Variants in SLC25A21 observed in about 807,000 individuals in gnomAD.
SLC25A21 encodes the protein mitochondrial 2-oxodicarboxylate carrier.
SLC25A21 carries 47 observed loss-of-function variants against 43.8 expected under a neutral mutation model. The observed-to-expected ratio is 1.07, with a 90% CI of 0.85 to 1.37. The LOEUF (loss-of-function observed/expected upper bound fraction) is 1.37. Among genes scored for constraint, SLC25A21 ranks in the 40% most tolerant of loss-of-function variants. SLC25A21 has a pLI of 0.00. For synonymous variants in SLC25A21, 131 were observed against 121.3 expected (o/e 1.08, Z -0.52); for missense variants, 352 against 350.2 (o/e 1.00, Z -0.04).
At chr14:37,064,419 TC>T (rs767723888) in intron 1 of SLC25A21, among the ~76,000 whole-genome samples, 258 of 152,144 alleles carry the variant, frequency 1.7e-3, no homozygotes, top group Middle Eastern at 6.8e-3. Flanking sequence ...CTCTTGTCTC[TC>T]TCTCTCTCTC....
chr14:36,879,581 C>G (rs1489257569), intron 1 of SLC25A21, among the ~76,000 whole-genome samples: 2 of 152,126 alleles, frequency 1.3e-5, no homozygotes, highest in Non-Finnish European at 2.9e-5. Context: ...TGGGTTATCC[C>G]CTGAACTTTT....
intron 9 of SLC25A21, among the ~76,000 whole-genome samples, chr14:36,682,064 T>C (rs765576638): frequency 6.6e-6 from 1 of 152,218 alleles, no homozygotes; most frequent in African/African-American, 2.4e-5. Flanking sequence ...GTTAGCCACA[T>C]TGAGCTGCTA....
Position 36,734,491 on chromosome 14 carries a change from C to T in SLC25A21, c.270+16G>A, listed in dbSNP as rs114929407. On this transcript the variant is annotated intron_variant, in intron 4 of 9. Transcript: ENST00000331299. Reference sequence around the variant, plus strand: ...GTGCCCTACTTTTGCTTGGTGCGAACGCATGCAATGCTTACCTTCACTGCT... The same window carrying T: ...GTGCCCTACTTTTGCTTGGTGCGAATGCATGCAATGCTTACCTTCACTGCT... 9 of 1,599,814 alleles carry T rather than the reference C, an allele frequency of 5.6e-6. No individual in the cohort carries two copies. Among genetic ancestry groups the T allele is most frequent in the East Asian group, 4.5e-5 (2 of 44,614 alleles).
chr14:36,947,512 G>C (rs1313208052), intron 1 of SLC25A21, among the ~76,000 whole-genome samples: 1 of 152,096 alleles, frequency 6.6e-6, no homozygotes, highest in East Asian at 1.9e-4. Context: ...GCAAAGAAAG[G>C]CTGGGTTTTT....
intron 1 of SLC25A21, among the ~76,000 whole-genome samples, chr14:36,883,937 G>A (rs995715525): frequency 1.3e-5 from 2 of 152,090 alleles, no homozygotes; most frequent in Non-Finnish European, 2.9e-5. Context: ...ATTGAGTCAA[G>A]CTAATGAACA....
chr14:37,074,307 C>A (rs1305675587), intron 1 of SLC25A21, among the ~76,000 whole-genome samples: 1 of 151,912 alleles, frequency 6.6e-6, no homozygotes, highest in South Asian at 2.1e-4. Context: ...TCACAACATA[C>A]AACTTATACC....
intron 1 of SLC25A21, among the ~76,000 whole-genome samples, chr14:36,951,917 A>G (rs1045085874): frequency 5.3e-5 from 8 of 152,190 alleles, no homozygotes; most frequent in African/African-American, 1.9e-4. Flanking sequence ...AGGTACAATG[A>G]AAGCAGAGTA....
In SLC25A21 at chr14:36,679,933, T is replaced by C; in HGVS notation, c.*725A>G. ...TGTGTTAGAAGAGATTTGGAATACC[T>C]TGATTTAAACATGCTTAAACAACAG... is the stretch of plus-strand genomic sequence containing the variant. On this transcript the variant is annotated 3_prime_UTR_variant, in exon 10 of 10. Transcript: ENST00000331299. 3 of 910,416 alleles carry C rather than the reference T, an allele frequency of 3.3e-6. No individual in the cohort carries two copies. The highest frequency in any genetic ancestry group is 3.9e-6 in the Non-Finnish European group (3 of 762,312). The allele number at this position is 910,416 out of a possible 1,614,324, so 56.4% of individuals were successfully genotyped here.
intron 1 of SLC25A21, among the ~76,000 whole-genome samples, chr14:37,113,442 A>G (rs1211056101): frequency 2.6e-5 from 4 of 152,210 alleles, no homozygotes; most frequent in African/African-American, 9.6e-5. Context: ...CCTTGGATAC[A>G]CATCGTGGGA....
chr14:36,803,541 A>T (rs1253393482), intron 3 of SLC25A21, among the ~76,000 whole-genome samples: 1 of 152,194 alleles, frequency 6.6e-6, no homozygotes, highest in South Asian at 2.1e-4. Flanking sequence ...AAACTAATTC[A>T]TTTAACAATA....
chr14:37,158,955 A>G (rs1963894362), intron 1 of SLC25A21, among the ~76,000 whole-genome samples: 1 of 152,182 alleles, frequency 6.6e-6, no homozygotes, highest in African/African-American at 2.4e-5. Context: ...CTAGCCAAGA[A>G]AGAAATCAAG....
intron 1 of SLC25A21, among the ~76,000 whole-genome samples, chr14:37,080,918 G>A (rs1962375106): frequency 6.6e-6 from 1 of 152,084 alleles, no homozygotes; most frequent in African/African-American, 2.4e-5. Context: ...ATTGTCTTTG[G>A]CTAATCCAAA....
chr14:37,040,387 GAA>G (rs1961440076), intron 1 of SLC25A21, among the ~76,000 whole-genome samples: 1 of 70,158 alleles, frequency 1.4e-5, no homozygotes, highest in African/African-American at 1.3e-4. Flanking sequence ...AAGAAAGAAA[GAA>G]AGAAAGAAAG....
At chr14:36,866,816 T>G (rs557171665) in intron 2 of SLC25A21, among the ~76,000 whole-genome samples, 2 of 152,330 alleles carry the variant, frequency 1.3e-5, no homozygotes, top group Admixed American at 6.5e-5. Flanking sequence ...GCAACAGATT[T>G]CAAAGACTTT....
intron 7 of SLC25A21, among the ~76,000 whole-genome samples, chr14:36,687,591 T>C (rs918003347): frequency 2.6e-5 from 4 of 152,224 alleles, no homozygotes; most frequent in Non-Finnish European, 5.9e-5. Context: ...CACCAGCTTC[T>C]GGGCCAGTAG....
chr14:36,801,852 C>T (rs1373362264), intron 3 of SLC25A21, among the ~76,000 whole-genome samples: 1 of 152,140 alleles, frequency 6.6e-6, no homozygotes, highest in East Asian at 1.9e-4. Flanking sequence ...TTAAGGAGAA[C>T]AGTAGTGAAG....
chr14:36,884,069 G>A (rs1890843414), intron 1 of SLC25A21, among the ~76,000 whole-genome samples: 1 of 151,994 alleles, frequency 6.6e-6, no homozygotes, highest in African/African-American at 2.4e-5. Context: ...TGTGCAATAG[G>A]TCATGGAAAC....
intron 7 of SLC25A21, among the ~76,000 whole-genome samples, chr14:36,689,283 A>G (rs1239897909): frequency 1.3e-5 from 2 of 152,236 alleles, no homozygotes; most frequent in Admixed American, 1.3e-4. Context: ...ACCTGCCTCC[A>G]TGATTCAACC....
In SLC25A21 at chr14:37,067,218, T is replaced by C. The variant is rs573455185; in HGVS notation, c.70+105063A>G. ...GCAAATTTATGAATCCCAGTGAATT[T>C]TGAATAGGCAAATAAAATGAAATGA... is the stretch of plus-strand genomic sequence containing the variant. On this transcript the variant is annotated intron_variant, in intron 1 of 9. Coordinates refer to ENST00000331299, the MANE Select transcript of SLC25A21 (RefSeq NM_030631.4). Among the ~76,000 whole-genome samples the C allele has an allele frequency of 1.7e-3, 260 of 152,272 alleles. 1 individual carries two copies. Among genetic ancestry groups the C allele is most frequent in the African/African-American group, 5.7e-3 (235 of 41,574 alleles).
Sources: gnomAD v4.1 joint callset for allele counts (sites outside exome capture counted in the v4.1 genomes callset) on GRCh38, gnomAD v4.1.1 for gene constraint, MANE v1.5 for transcripts, NCBI Gene and HGNC (gene_info 2026-07-23, HGNC 2026-07-21) for gene names.